The following COQ10B variants were observed in gnomAD, a reference collection of about 807,000 sequenced individuals.
COQ10B encodes coenzyme Q10B, also known as coenzyme Q-binding protein COQ10 homolog B, mitochondrial.
Under a neutral mutation model 27.6 loss-of-function variants are expected in COQ10B, and 12 were observed. The observed-to-expected ratio is 0.43, with a 90% CI of 0.28 to 0.70. COQ10B has a LOEUF of 0.70. COQ10B is among the 30% of genes least tolerant of loss of function. COQ10B has a pLI of 0.17. For synonymous variants in COQ10B, 115 were observed against 103.0 expected, an observed-to-expected ratio of 1.12 and a Z score of -0.71; for missense variants, 278 against 288.7, an observed-to-expected ratio of 0.96 and a Z score of 0.27.
At chr2:197,465,715 T>C (rs1251665929) in intron 3 of COQ10B, among the ~76,000 whole-genome samples, 1 of 152,120 alleles carries the variant, frequency 6.6e-6, no homozygotes. Flanking sequence ...GAGGTTGTAA[T>C]GTACAGTGAT....
chr2:197,467,301 C>T (rs1300570598), intron 3 of COQ10B, among the ~76,000 whole-genome samples: 3 of 151,126 alleles, frequency 2.0e-5, no homozygotes, highest in Admixed American at 6.6e-5. Flanking sequence ...GATGGAGTTT[C>T]GCTCTTGTTA....
At chr2:197,461,209 T>C (rs1023771036) in intron 2 of COQ10B, among the ~76,000 whole-genome samples, 1 of 152,152 alleles carries the variant, frequency 6.6e-6, no homozygotes. Flanking sequence ...TATTTTTTTT[T>C]CTCATGTAGA....
intron 4 of COQ10B, among the ~76,000 whole-genome samples, chr2:197,472,087 G>C (rs574838667): frequency 4.6e-5 from 7 of 151,706 alleles, no homozygotes; most frequent in African/African-American, 1.4e-4. Context: ...CATTAAAATA[G>C]GGAAATATGG....
rs2085773372 is a variant in COQ10B at position 197,462,591 on chromosome 2, C to A, written c.307C>A (p.His103Asn). 6.3e-7 allele frequency: 1 copy of A among 1,592,516 alleles called. No individual in the cohort carries two copies. Among genetic ancestry groups the A allele is most frequent in the African/African-American group, 1.3e-5 (1 of 74,536 alleles). ...DVVSGVEDYKHFVPWCKKSDV... is the reference protein window; with the variant it reads ...DVVSGVEDYKNFVPWCKKSDV... ...AGTATCGGGAGTGGAGGATTACAAG[C>A]ATTTTGTTCCTTGGTGCAAAAAATC... Residue 103 changes from histidine (H) to asparagine (N), a missense_variant, in exon 3 of 5, where the codon CAT (histidine) becomes AAT (asparagine). Physicochemically the swap from His to Asn is moderately conservative, Grantham distance 68. This residue lies in a region of COQ10B where 183 missense variants were observed against 158.2 expected (regional missense o/e 1.16). Transcript: ENST00000263960.
chr2:197,454,140 T>C lies in COQ10B; in HGVS notation c.104+476T>C, dbSNP rs1455420802. The C allele has an allele frequency of 3.1e-5, 48 of 1,550,086 alleles. No individual in the cohort carries two copies. The East Asian group carries it at 7.3e-4, about 24-fold the overall frequency. On this transcript the variant is annotated intron_variant, in intron 1 of 4. Coordinates refer to ENST00000263960, the MANE Select transcript of COQ10B (RefSeq NM_025147.5). ...AGAGTGCTTTGCCCTCGCCATTTAG[T>C]GTTTACAAAACTAAATACAGCCAGC...
intron 1 of COQ10B, among the ~76,000 whole-genome samples, chr2:197,459,149 A>ATGTT (rs1413992228): frequency 6.6e-6 from 1 of 152,140 alleles, no homozygotes; most frequent in Non-Finnish European, 1.5e-5. Context: ...ACGCAGCAAC[A>ATGTT]GTTGGTTTTT....
Position 197,473,796 on chromosome 2 carries a change from G to A in COQ10B, c.589G>A (p.Ala197Thr), listed in dbSNP as rs746281960. The A allele has an allele frequency of 1.9e-6, 3 of 1,590,398 alleles. No individual in the cohort carries two copies. Among genetic ancestry groups the A allele is most frequent in the Non-Finnish European group, 2.6e-6 (3 of 1,166,580 alleles). ...EFRSLLHSQL[A>T]TLFFDEVVKQ... ...TCGATCACTTCTACATTCCCAGCTT[G>A]CCACACTCTTTTTTGATGAAGTTGT... The change falls in exon 5 of 5, where the codon GCC becomes ACC. Residue 197 changes from alanine (A) to threonine (T), a missense_variant. Transcript: ENST00000263960.
intron 3 of COQ10B, among the ~76,000 whole-genome samples, chr2:197,464,205 A>C (rs546254612): frequency 6.6e-6 from 1 of 151,494 alleles, no homozygotes; most frequent in Admixed American, 6.6e-5. Context: ...GAGGATACAC[A>C]TGTAGAAAAG....
rs1486466023 is a variant in COQ10B, at chr2:197,474,861, C to T, written c.*937C>T. On this transcript the variant is annotated 3_prime_UTR_variant, in exon 5 of 5. Transcript: ENST00000263960. ...GTGAGTGGTCCAGAGCTTTAAGCTA[C>T]TTTTCCAGTAGTTTGCCACTTTCTC... 2.8e-5 allele frequency: 4 copies of T among 141,260 alleles called. No individual in the cohort carries two copies. The highest frequency in any genetic ancestry group is 1.5e-5 in the Non-Finnish European group (1 of 66,054). The allele number at this position is 141,260 out of a possible 1,614,324, so 8.8% of individuals were successfully genotyped here.
At position 197,453,792 on chromosome 2, in the gene COQ10B, G is replaced by T. The variant is rs908534538; in HGVS notation, c.104+128G>T. ...CATTTCCGTGTCTTTAGAGGAGAAG[G>T]CTTTTTTTTGCGTTTGGCATCTGAG... On this transcript the variant is annotated intron_variant, in intron 1 of 4. Transcript: ENST00000263960. 13 of 1,027,012 alleles carry T rather than the reference G, an allele frequency of 1.3e-5. No homozygotes were observed. The African/African-American group carries it at 2.1e-4, about 16-fold the overall frequency. 63.6% of individuals were successfully genotyped at this position (1,027,012 alleles called of 1,614,324 possible).
Position 197,453,595 on chromosome 2 carries a change from G to A in COQ10B, c.35G>A (p.Arg12Lys), listed in dbSNP as rs751521083. The A allele has an allele frequency of 1.9e-6, 3 of 1,614,120 alleles. No individual in the cohort carries two copies. The Admixed American group carries it at 5.0e-5, about 27-fold the overall frequency. ...CGGACTGGTCATACGGCCTTGAGAA[G>A]GGTAGTCTCGGGATGCCGTCCGAAG... ...AARTGHTALR[R>K]VVSGCRPKSA... Residue 12 changes from arginine to lysine, a missense_variant, in exon 1 of 5, where the codon AGG becomes AAG. By Grantham distance (26) the Arg-to-Lys change is conservative (BLOSUM62 2). Transcript: ENST00000263960.
At chr2:197,468,631 T>G (rs543214642) in intron 3 of COQ10B, among the ~76,000 whole-genome samples, 1 of 152,242 alleles carries the variant, frequency 6.6e-6, no homozygotes, top group African/African-American at 2.4e-5. Flanking sequence ...CTTGATGCTC[T>G]TAGAAATTAC....
intron 1 of COQ10B, among the ~76,000 whole-genome samples, chr2:197,458,437 C>T (rs1172638500): frequency 1.3e-5 from 2 of 152,102 alleles, no homozygotes; most frequent in Non-Finnish European, 2.9e-5. Context: ...AATTACACCT[C>T]CCTCTTCCCT....
At chr2:197,464,080 CATAT>C (rs199664770) in intron 3 of COQ10B, among the ~76,000 whole-genome samples, 4 of 136,644 alleles carry the variant, frequency 2.9e-5, no homozygotes, top group South Asian at 2.3e-4. Flanking sequence ...CACACACACA[CATAT>C]ATATATATAC....
At chr2:197,461,559 C>CTGTGTGTG (rs60261177) in intron 2 of COQ10B, among the ~76,000 whole-genome samples, 4 of 139,760 alleles carry the variant, frequency 2.9e-5, no homozygotes, top group Non-Finnish European at 4.7e-5. Context: ...CTGATTTAGT[C>CTGTGTGTG]TGTGTGTGTG....
chr2:197,459,627 GTA>G (rs769877132), intron 1 of COQ10B, among the ~76,000 whole-genome samples: 43 of 152,168 alleles, frequency 2.8e-4, no homozygotes, highest in Non-Finnish European at 3.5e-4. Flanking sequence ...ATAGATTTGT[GTA>G]TCTAGCAAAG....
chr2:197,465,321 G>T (rs568575833), intron 3 of COQ10B, among the ~76,000 whole-genome samples: 3 of 140,626 alleles, frequency 2.1e-5, no homozygotes, highest in African/African-American at 5.4e-5. Context: ...ACAGAGTCTT[G>T]CTCTGTTGCC....
At position 197,462,626 on chromosome 2, in the gene COQ10B, A is replaced by G. The variant is rs763527873; in HGVS notation, c.342A>G (p.Ile114Met). Residue 114 changes from isoleucine (I) to methionine (M), a missense_variant, in exon 3 of 5, where the codon ATA becomes ATG. Coordinates refer to ENST00000263960, the MANE Select transcript of COQ10B (RefSeq NM_025147.5). ...FVPWCKKSDV[I>M]SKRSGYCKTR... ...CTTGGTGCAAAAAATCAGATGTTATATCAAAGAGATCTGGATATTGTAAAA... is the reference window on the plus strand; with the variant it reads ...CTTGGTGCAAAAAATCAGATGTTATGTCAAAGAGATCTGGATATTGTAAAA... The G allele has an allele frequency of 1.5e-5, 24 of 1,599,460 alleles. No homozygotes were observed. The East Asian group carries it at 4.7e-4, about 31-fold the overall frequency.
chr2:197,472,455 A>T (rs1179676190), intron 4 of COQ10B, among the ~76,000 whole-genome samples: 1 of 152,150 alleles, frequency 6.6e-6, no homozygotes. Flanking sequence ...AAACAACAAC[A>T]ACTACAAAAT....
Sources: allele counts gnomAD v4.1 joint callset (sites outside exome capture counted in the v4.1 genomes callset), GRCh38; gene constraint gnomAD v4.1.1; regional missense constraint gnomAD v4.1.1; transcripts MANE v1.5; gene names NCBI Gene and HGNC (gene_info 2026-07-23, HGNC 2026-07-21).